KHDRBS2: variants seen among roughly 807,000 people sequenced by gnomAD.
KHDRBS2 encodes KH domain-containing, RNA-binding, signal transduction-associated protein 2.
A neutral mutation model predicts 44.3 loss-of-function variants in KHDRBS2; 26 were observed. The ratio of observed to expected loss-of-function variants is 0.59; its 90% CI spans 0.43 to 0.81. The LOEUF is 0.81. Ranked by LOEUF, KHDRBS2 falls within the 40% of genes least tolerant of loss-of-function variation. KHDRBS2 has a pLI of 0.00. For missense variants in KHDRBS2, 476 were observed against 433.1 expected (o/e 1.10, Z -0.88); for synonymous variants, 194 against 151.1 (o/e 1.28, Z -2.08).
the KHDRBS2 span, among the ~76,000 whole-genome samples, chr6:61,543,979 T>G: frequency 1.3e-5 from 2 of 151,868 alleles, no homozygotes; most frequent in Non-Finnish European, 1.5e-5. Flanking sequence ...TAGGAGTAAG[T>G]GTGGATTGTT....
chr6:62,255,391 T>C (rs1837203018), intron 1 of KHDRBS2, among the ~76,000 whole-genome samples: 1 of 152,172 alleles, frequency 6.6e-6, no homozygotes, highest in Middle Eastern at 3.4e-3. Context: ...TAAGCACTAA[T>C]TAATTGAAGC....
At position 61,901,254 on chromosome 6, in the gene KHDRBS2, C is replaced by G; in HGVS notation, c.601G>C (p.Ala201Pro). The change falls in exon 5 of 9, where the codon GCT becomes CCT. Residue 201 changes from alanine to proline, a missense_variant. Ala to Pro is a conservative substitution (Grantham distance 27, BLOSUM62 -1). Transcript: ENST00000281156. ...RGRGIRIAPTAPSRGRGGAIP... is the reference protein window; with the variant it reads ...RGRGIRIAPTPPSRGRGGAIP... ...TAAGAATGAATGTACCTTGAAGGAG[C>G]TGTGGGAGCTATTCTGATCCCTCTG... 1.9e-6 allele frequency: 3 copies of G among 1,612,558 alleles called. No homozygotes were observed. The highest frequency in any genetic ancestry group is 2.5e-6 in the Non-Finnish European group (3 of 1,179,384).
intron 6 of KHDRBS2, among the ~76,000 whole-genome samples, chr6:61,884,527 T>C (rs1800646254): frequency 6.6e-6 from 1 of 152,124 alleles, no homozygotes; most frequent in South Asian, 2.1e-4. Context: ...TTTTCTTTTT[T>C]ATCTGCTTTT....
At chr6:62,172,136 T>C (rs752917127) in intron 2 of KHDRBS2, among the ~76,000 whole-genome samples, 16 of 151,936 alleles carry the variant, frequency 1.1e-4, no homozygotes, top group Non-Finnish European at 2.2e-4. Flanking sequence ...GAACGGCAGA[T>C]TGGATAAAAA....
intron 6 of KHDRBS2, among the ~76,000 whole-genome samples, chr6:61,832,078 C>T (rs1021752682): frequency 6.6e-6 from 1 of 152,016 alleles, no homozygotes; most frequent in Non-Finnish European, 1.5e-5. Context: ...CCCATCTCTA[C>T]AATAAATTTG....
rs2150176907 is a variant in KHDRBS2, at chr6:62,254,251, A to G, written c.91+31607T>C. ...GTCCTGCCACTTTACTATGCTCAAGATAAAGGAGACATTTGTAACCTTGCT... is the reference window on the plus strand; with the variant it reads ...GTCCTGCCACTTTACTATGCTCAAGGTAAAGGAGACATTTGTAACCTTGCT... On this transcript the variant is annotated intron_variant, in intron 1 of 8. Coordinates refer to ENST00000281156, the MANE Select transcript of KHDRBS2 (RefSeq NM_152688.4). Among the ~76,000 whole-genome samples the G allele has an allele frequency of 1.3e-5, 2 of 152,176 alleles. 1 individual carries two copies. The highest frequency in any genetic ancestry group is 4.1e-4 in the South Asian group (2 of 4,820).
chr6:62,152,982 G>A (rs1454758866), intron 2 of KHDRBS2, among the ~76,000 whole-genome samples: 1 of 152,222 alleles, frequency 6.6e-6, no homozygotes, highest in African/African-American at 2.4e-5. Flanking sequence ...ATAGCATCGG[G>A]ACTTTGGCCC....
chr6:62,072,770 G>A (rs12210748), intron 2 of KHDRBS2, among the ~76,000 whole-genome samples: 30,626 of 151,918 alleles, frequency 0.2, 3,875 homozygotes, highest in Middle Eastern at 0.31. Flanking sequence ...TTTTTGCATC[G>A]ATGTTCATCA....
chr6:61,743,289 T>C (rs1290072577), intron 6 of KHDRBS2, among the ~76,000 whole-genome samples: 2 of 152,164 alleles, frequency 1.3e-5, no homozygotes, highest in African/African-American at 4.8e-5. Context: ...CTATATGGCA[T>C]GTTCTGTATC....
At chr6:61,915,983 T>C (rs574071326) in intron 4 of KHDRBS2, among the ~76,000 whole-genome samples, 71 of 152,190 alleles carry the variant, frequency 4.7e-4, no homozygotes, top group African/African-American at 1.6e-3. Flanking sequence ...CTTCCCTTTC[T>C]CACCATACAG....
chr6:62,021,831 T>C (rs1197327945), intron 3 of KHDRBS2, among the ~76,000 whole-genome samples: 1 of 151,476 alleles, frequency 6.6e-6, no homozygotes, highest in Non-Finnish European at 1.5e-5. Context: ...CTACTGACTT[T>C]AGAGACTAAT....
intron 4 of KHDRBS2, among the ~76,000 whole-genome samples, chr6:61,915,717 C>T (rs1280191800): frequency 6.6e-6 from 1 of 152,000 alleles, no homozygotes; most frequent in Admixed American, 6.6e-5. Context: ...TCAACAAACC[C>T]TCTCGAGGAG....
At position 61,861,006 on chromosome 6, in the gene KHDRBS2, C is replaced by T. The variant is rs150459014; in HGVS notation, c.810+33629G>A. Among the ~76,000 whole-genome samples the T allele has an allele frequency of 1.1e-3, 171 of 152,090 alleles. 1 individual carries two copies. The highest frequency in any genetic ancestry group is 3.4e-3 in the Middle Eastern group (1 of 294). On this transcript the variant is annotated intron_variant, in intron 6 of 8. Transcript: ENST00000281156. Reference sequence around the variant, plus strand: ...CTCTTTTTCATATGTTTGTTGTCTGCATGTATGTCTTGAGAAGTGCATATA... The same window carrying T: ...CTCTTTTTCATATGTTTGTTGTCTGTATGTATGTCTTGAGAAGTGCATATA...
chr6:62,159,899 T>G (rs1198500020), intron 2 of KHDRBS2, among the ~76,000 whole-genome samples: 1 of 152,126 alleles, frequency 6.6e-6, no homozygotes, highest in African/African-American at 2.4e-5. Context: ...AGGAAAAGGT[T>G]GAAGAGGTGG....
intron 4 of KHDRBS2, 43 bp from the exon 5 acceptor site, chr6:61,901,414 C>T (rs757288892): frequency 1.3e-6 from 2 of 1,513,636 alleles, no homozygotes; most frequent in African/African-American, 1.4e-5. Flanking sequence ...ATGGGACATG[C>T]CGTTCTCAGA....
chr6:62,021,089 T>C (rs1584204159), intron 3 of KHDRBS2, among the ~76,000 whole-genome samples: 1 of 152,050 alleles, frequency 6.6e-6, no homozygotes, highest in South Asian at 2.1e-4. Context: ...GGAAAATGGA[T>C]GGAGCTGGAG....
At chr6:61,677,474 G>A (rs1451745845), downstream of KHDRBS2, among the ~76,000 whole-genome samples, 1 of 151,888 alleles carries the variant, frequency 6.6e-6, no homozygotes, top group Admixed American at 6.6e-5. Flanking sequence ...AAGCAATACA[G>A]TATCAAATAA....
At chr6:61,602,445 T>A in the KHDRBS2 span, among the ~76,000 whole-genome samples, 265 of 152,236 alleles carry the variant, frequency 1.7e-3, 2 homozygotes, top group African/African-American at 6.0e-3. Context: ...CTGTGTCCCA[T>A]CTGTGCAGGA....
chr6:62,199,979 T>TG (rs1264639738), intron 1 of KHDRBS2, among the ~76,000 whole-genome samples: 1 of 152,144 alleles, frequency 6.6e-6, no homozygotes, highest in Non-Finnish European at 1.5e-5. Context: ...AAACAAGAAA[T>TG]GGAGAAAGGA....
Sources: gnomAD v4.1 joint callset for allele counts (sites outside exome capture counted in the v4.1 genomes callset) on GRCh38, gnomAD v4.1.1 for gene constraint, MANE v1.5 for transcripts, NCBI Gene and HGNC (gene_info 2026-07-23, HGNC 2026-07-21) for gene names.